CCDC63: variants seen among roughly 807,000 people sequenced by gnomAD.
CCDC63 encodes coiled-coil domain-containing protein 63.
A neutral mutation model predicts 63.6 loss-of-function variants in CCDC63; 54 were observed. The ratio of observed to expected loss-of-function variants is 0.85; its 90% CI spans 0.68 to 1.07. CCDC63 has a LOEUF of 1.07. Among genes scored for constraint, CCDC63 ranks in the 50% least tolerant of loss-of-function variants. CCDC63 has a pLI of 0.00. For missense variants in CCDC63, 637 were observed against 689.6 expected (o/e 0.92, Z 0.86); for synonymous variants, 253 against 266.1 (o/e 0.95, Z 0.48).
intron 4 of CCDC63, among the ~76,000 whole-genome samples, chr12:110,867,168 C>CA (rs2070968417): frequency 8.0e-6 from 1 of 124,406 alleles, no homozygotes; most frequent in South Asian, 2.8e-4. Flanking sequence ...GCTGGCCGGG[C>CA]GGGGGGCTGA....
chr12:110,888,561 T>C (rs2071313892), intron 8 of CCDC63, among the ~76,000 whole-genome samples: 1 of 152,212 alleles, frequency 6.6e-6, no homozygotes, highest in African/African-American at 2.4e-5. Context: ...CTCAAATAGA[T>C]CTGCAAATGC....
At chr12:110,883,306 G>A (rs2071232975) in intron 7 of CCDC63, among the ~76,000 whole-genome samples, 1 of 152,166 alleles carries the variant, frequency 6.6e-6, no homozygotes, top group Admixed American at 6.5e-5. Flanking sequence ...AAAGTGCTGG[G>A]ATTACAGGCG....
chr12:110,884,364 C>A, intron 8 of CCDC63, 114 bp downstream of exon 8: 1 of 748,714 alleles, frequency 1.3e-6, no homozygotes, highest in Admixed American at 2.2e-5. Flanking sequence ...GTTTGGCCAA[C>A]ACCGCTCTAT....
chr12:110,906,078 T>G (rs1406374076), intron 11 of CCDC63, among the ~76,000 whole-genome samples: 1 of 102,702 alleles, frequency 9.7e-6, no homozygotes, highest in Non-Finnish European at 1.8e-5. Flanking sequence ...ACTTTTTTTT[T>G]GCCAGTAGTC....
intron 8 of CCDC63, among the ~76,000 whole-genome samples, chr12:110,886,165 T>C (rs1169335761): frequency 6.6e-6 from 1 of 152,086 alleles, no homozygotes; most frequent in Non-Finnish European, 1.5e-5. Flanking sequence ...GGCGGGTGGA[T>C]CACCTGAGCT....
chr12:110,850,079 G>T (rs1209815773), intron 1 of CCDC63, among the ~76,000 whole-genome samples: 4 of 152,222 alleles, frequency 2.6e-5, no homozygotes, highest in Admixed American at 2.6e-4. Context: ...TAACACAACA[G>T]AAGTTAATTT....
In CCDC63 at chr12:110,907,386, C is replaced by T; in HGVS notation, c.1602C>T (p.Ile534=). ...GGCAGCTGGTTCTCGACAATTATAT[C>T]CTGAAGGAGAATCGGAGTAAGGAAG... The part of the protein sequence containing the change: ...SLRQLVLDNY[I]LKENRSKEVR... Residue 534 remains isoleucine, a synonymous_variant, in exon 12 of 12, where the codon ATC becomes ATT. Transcript: ENST00000308208. This position sits in a 1 kb window ranked among gnomAD's most constrained non-coding sequence, Gnocchi z 4.4. 6.2e-7 allele frequency: 1 copy of T among 1,614,092 alleles called. No homozygotes were observed. Among genetic ancestry groups the T allele is most frequent in the Non-Finnish European group, 8.5e-7 (1 of 1,180,000 alleles).
Position 110,889,799 on chromosome 12 carries a change from C to CT in CCDC63, c.1075-3272dup, listed in dbSNP as rs1421202697. 6.6e-6 allele frequency among the ~76,000 whole-genome samples: 1 copy of CT among 152,160 alleles called. No homozygotes were observed. Among genetic ancestry groups the CT allele is most frequent in the Non-Finnish European group, 1.5e-5 (1 of 68,010 alleles). The stretch of plus-strand genomic sequence containing the variant: ...TCACCTGGATATGGCATTGGTTCAT[C>CT]TTTTTGGTAGAGATCCCCCACCCCA... On this transcript the variant is annotated intron_variant, in intron 8 of 11. Coordinates refer to ENST00000308208, the MANE Select transcript of CCDC63 (RefSeq NM_152591.3). The surrounding 1 kb of genome is among the most constrained non-coding windows in gnomAD (Gnocchi z 4.1).
chr12:110,899,567 T>G (rs752035926), intron 10 of CCDC63, among the ~76,000 whole-genome samples: 2 of 151,964 alleles, frequency 1.3e-5, no homozygotes, highest in Non-Finnish European at 2.9e-5. Flanking sequence ...TGATCCGCCC[T>G]CCTTGGCCTC....
At chr12:110,856,684 C>T (rs897531494) in intron 3 of CCDC63, among the ~76,000 whole-genome samples, 6 of 152,060 alleles carry the variant, frequency 3.9e-5, no homozygotes, top group Admixed American at 3.9e-4. Flanking sequence ...ATTTTCATCA[C>T]TGCAGAACGT....
chr12:110,861,092 A>G (rs1369450443), intron 4 of CCDC63, among the ~76,000 whole-genome samples: 1 of 152,096 alleles, frequency 6.6e-6, no homozygotes, highest in Admixed American at 6.6e-5. Context: ...TTAAACAACC[A>G]GATCTCATGA....
chr12:110,852,121 G>T (rs1018291430), intron 1 of CCDC63, among the ~76,000 whole-genome samples: 1 of 152,136 alleles, frequency 6.6e-6, no homozygotes, highest in Non-Finnish European at 1.5e-5. Flanking sequence ...AATAACTATG[G>T]GCTAGATGAA....
chr12:110,904,148 G>T (rs562077512), intron 10 of CCDC63, among the ~76,000 whole-genome samples: 1 of 152,154 alleles, frequency 6.6e-6, no homozygotes, highest in Admixed American at 6.5e-5. Context: ...TTGAGCCTAG[G>T]AGTTCAAGAT....
Position 110,853,459 on chromosome 12 carries a change from G to C in CCDC63, c.64G>C (p.Ala22Pro). ...SDTPQEPSEK[A>P]KEQQAEAELR... ...CACTCCCCAGGAACCTTCGGAGAAG[G>C]CCAAAGAGCAGCAGGCGGAGGCAGA... The change falls in exon 3 of 12, where the codon GCC (alanine) becomes CCC (proline). Residue 22 changes from alanine (A) to proline (P), a missense_variant. Transcript: ENST00000308208. The C allele has an allele frequency of 6.2e-7, 1 of 1,614,120 alleles. No individual in the cohort carries two copies. The highest frequency in any genetic ancestry group is 8.5e-7 in the Non-Finnish European group (1 of 1,180,010).
At chr12:110,847,344 G>T (rs929389280) in intron 1 of CCDC63, among the ~76,000 whole-genome samples, 9 of 152,136 alleles carry the variant, frequency 5.9e-5, no homozygotes, top group African/African-American at 2.2e-4. Flanking sequence ...CAAGAGGATC[G>T]CTTGAGCCCA....
At chr12:110,845,979 A>G (rs938770396), upstream of CCDC63, 3 of 149,298 alleles carry the variant, frequency 2.0e-5, no homozygotes, top group Non-Finnish European at 4.4e-5. Flanking sequence ...AAAAAAAAAA[A>G]AAGAAATACA....
intron 8 of CCDC63, among the ~76,000 whole-genome samples, chr12:110,891,533 A>C (rs1055452265): frequency 1.4e-5 from 2 of 145,740 alleles, no homozygotes; most frequent in African/African-American, 5.1e-5. Context: ...TGTGGTCCCA[A>C]CTGCTTGAGA....
rs113111114 is a variant in CCDC63, at chr12:110,857,283, C to A, written c.180-1303C>A. ...TAGGATTACAGGCGCCCACCACCCC[C>A]CCCGGCTAATTTTTTGTATTTTTAC... On this transcript the variant is annotated intron_variant, in intron 3 of 11. Coordinates refer to ENST00000308208, the MANE Select transcript of CCDC63 (RefSeq NM_152591.3). Among the ~76,000 whole-genome samples the A allele has an allele frequency of 6.0e-3, 918 of 151,870 alleles. 6 individuals are homozygous for A. The highest frequency in any genetic ancestry group is 0.02 in the African/African-American group (827 of 41,424).
intron 5 of CCDC63, among the ~76,000 whole-genome samples, chr12:110,876,419 C>T (rs1028936577): frequency 1.3e-5 from 2 of 152,136 alleles, no homozygotes; most frequent in Non-Finnish European, 2.9e-5. Flanking sequence ...CACTCAGGAA[C>T]ACCCAGAGCT....
Sources: allele counts gnomAD v4.1 joint callset (sites outside exome capture counted in the v4.1 genomes callset), GRCh38; gene constraint gnomAD v4.1.1; non-coding constraint Gnocchi (gnomAD v3.1); transcripts MANE v1.5; gene names NCBI Gene and HGNC (gene_info 2026-07-23, HGNC 2026-07-21).